The following MACROD2 variants were observed in gnomAD, a reference collection of about 807,000 sequenced individuals.
MACROD2 encodes the protein ADP-ribose glycohydrolase MACROD2.
MACROD2 carries 36 observed loss-of-function variants against 70.4 expected under a neutral mutation model. The ratio of observed to expected loss-of-function variants is 0.51; its 90% CI spans 0.39 to 0.68. The LOEUF is 0.68. Ranked by LOEUF, MACROD2 falls within the 30% of genes least tolerant of loss-of-function variation. The pLI is 0.00. For missense variants in MACROD2, 496 were observed against 538.4 expected (o/e 0.92, Z 0.78); for synonymous variants, 172 against 178.8 (o/e 0.96, Z 0.30).
At chr20:14,563,532 GA>G (rs547002809) in intron 4 of MACROD2, among the ~76,000 whole-genome samples, 658 of 151,630 alleles carry the variant, frequency 4.3e-3, no homozygotes, top group Non-Finnish European at 7.8e-3. Flanking sequence ...TTTTTAAAAA[GA>G]AAAAAAATTA....
rs1432360257 is a variant in MACROD2 at position 14,051,789 on chromosome 20, A to G, written c.164-33832A>G. On this transcript the variant is annotated intron_variant, in intron 2 of 17. Transcript: ENST00000684519. ...AGTATCAGAATAGTAACATGTAAGT[A>G]TAATCACAGAGGTTTGTAGTGGTAT... 2.8e-5 allele frequency: 13 copies of G among 456,432 alleles called. No individual in the cohort carries two copies. In the East Asian group the frequency reaches 6.9e-4, roughly 24 times the overall value. 28.3% of individuals were successfully genotyped at this position (456,432 alleles called of 1,614,324 possible).
At chr20:14,891,600 G>C (rs533092547) in intron 5 of MACROD2, among the ~76,000 whole-genome samples, 6 of 152,214 alleles carry the variant, frequency 3.9e-5, no homozygotes, top group Admixed American at 3.9e-4. Flanking sequence ...TGCTCATTCT[G>C]TCTGATCCTG....
At chr20:14,014,234 C>G (rs1204909614) in intron 2 of MACROD2, among the ~76,000 whole-genome samples, 3 of 142,162 alleles carry the variant, frequency 2.1e-5, no homozygotes, top group Non-Finnish European at 4.6e-5. Flanking sequence ...CCCCCTCCCC[C>G]CCACCCCCAA....
At chr20:14,383,136 T>G (rs1337773408) in intron 3 of MACROD2, among the ~76,000 whole-genome samples, 1 of 152,158 alleles carries the variant, frequency 6.6e-6, no homozygotes, top group Non-Finnish European at 1.5e-5. Context: ...GGATTAAAAA[T>G]GCATTCTTGC....
chr20:14,868,343 A>G (rs945760431), intron 5 of MACROD2, among the ~76,000 whole-genome samples: 1 of 151,678 alleles, frequency 6.6e-6, no homozygotes, highest in Non-Finnish European at 1.5e-5. Context: ...GTGTGCCACC[A>G]CACCTGGCTA....
intron 10 of MACROD2, among the ~76,000 whole-genome samples, chr20:15,924,784 C>CAAA (rs1172738266): frequency 6.7e-6 from 1 of 149,242 alleles, no homozygotes. Context: ...CATTCTTCAG[C>CAAA]AAAAAAAAAG....
At chr20:14,757,967 G>A (rs573118194) in intron 5 of MACROD2, 27 of 898,574 alleles carry the variant, frequency 3.0e-5, no homozygotes, top group Admixed American at 1.0e-4. Flanking sequence ...CCCTGGTGCC[G>A]ACAAGAAAGC....
chr20:15,173,929 C>T (rs6043124), intron 5 of MACROD2, among the ~76,000 whole-genome samples: 4,472 of 152,130 alleles, frequency 0.029, 121 homozygotes, highest in Middle Eastern at 0.075. Context: ...GCATAGACTT[C>T]GAGATAAAAT....
At chr20:14,780,059 C>A (rs1432864269) in intron 5 of MACROD2, among the ~76,000 whole-genome samples, 2 of 152,030 alleles carry the variant, frequency 1.3e-5, no homozygotes, top group African/African-American at 4.8e-5. Flanking sequence ...CTTTCAATGC[C>A]ACACTTAAAA....
chr20:16,024,429 A>G (rs2067048070), intron 15 of MACROD2, among the ~76,000 whole-genome samples: 2 of 152,178 alleles, frequency 1.3e-5, no homozygotes, highest in African/African-American at 4.8e-5. Context: ...TATAAAAAAT[A>G]CAACTTCCTT....
Position 15,987,049 on chromosome 20 carries a change from TG to T in MACROD2, c.1061-16del, listed in dbSNP as rs768930414. On this transcript the variant is annotated splice_polypyrimidine_tract_variant and intron_variant, in intron 14 of 17. Transcript: ENST00000684519. ...ACTAAAACAACCCTGAGTGTCCATCTGTCTCATTCTATTTAGAACTTTCATC... is the reference window on the plus strand; with the variant it reads ...ACTAAAACAACCCTGAGTGTCCATCTTCTCATTCTATTTAGAACTTTCATC... 12 of 1,590,172 alleles carry T rather than the reference TG, an allele frequency of 7.5e-6. No homozygotes were observed. Among genetic ancestry groups the T allele is most frequent in the Non-Finnish European group, 1.0e-5 (12 of 1,166,742 alleles).
At chr20:15,501,082 A>G (rs1254290126) in intron 8 of MACROD2, among the ~76,000 whole-genome samples, 1 of 152,232 alleles carries the variant, frequency 6.6e-6, no homozygotes, top group Non-Finnish European at 1.5e-5. Context: ...TTGGAAAGTC[A>G]CAGAGCCAAG....
At chr20:14,278,562 A>G (rs1334505048) in intron 3 of MACROD2, among the ~76,000 whole-genome samples, 8 of 152,176 alleles carry the variant, frequency 5.3e-5, no homozygotes, top group African/African-American at 1.2e-4. Context: ...TCCTTAAACT[A>G]ATTGGTTGTG....
chr20:15,387,913 G>C (rs1403231325), intron 6 of MACROD2, among the ~76,000 whole-genome samples: 1 of 134,102 alleles, frequency 7.5e-6, no homozygotes, highest in African/African-American at 2.8e-5. Flanking sequence ...CAGCTAACTT[G>C]TATTTATTTA....
chr20:14,925,699 A>G (rs1471765171), intron 5 of MACROD2, among the ~76,000 whole-genome samples: 1 of 152,188 alleles, frequency 6.6e-6, no homozygotes, highest in Non-Finnish European at 1.5e-5. Flanking sequence ...TACTTCACCA[A>G]TCTTCCTTCT....
chr20:14,077,878 A>C (rs892864611), intron 2 of MACROD2, among the ~76,000 whole-genome samples: 2 of 149,496 alleles, frequency 1.3e-5, no homozygotes, highest in Admixed American at 1.4e-4. Flanking sequence ...TTAGTAAGAG[A>C]CTGTGAAAGG....
chr20:14,200,884 G>C (rs1185962423), intron 3 of MACROD2, among the ~76,000 whole-genome samples: 2 of 147,418 alleles, frequency 1.4e-5, no homozygotes, highest in Non-Finnish European at 3.0e-5. Flanking sequence ...TTCTAGTCTT[G>C]CTTTTGTATC....
At chr20:15,326,997 A>G (rs1355095569) in intron 6 of MACROD2, among the ~76,000 whole-genome samples, 1 of 152,206 alleles carries the variant, frequency 6.6e-6, no homozygotes, top group East Asian at 1.9e-4. Flanking sequence ...AGCCCCTACA[A>G]CAAAATACAG....
chr20:14,454,790 T>C (rs1389863375), intron 3 of MACROD2, among the ~76,000 whole-genome samples: 1 of 141,722 alleles, frequency 7.1e-6, no homozygotes, highest in Non-Finnish European at 1.5e-5. Context: ...TCTTGCTCTG[T>C]CGCCCAGGCT....
Sources: gnomAD v4.1 joint callset for allele counts (sites outside exome capture counted in the v4.1 genomes callset) on GRCh38, gnomAD v4.1.1 for gene constraint, MANE v1.5 for transcripts, NCBI Gene and HGNC (gene_info 2026-07-23, HGNC 2026-07-21) for gene names.